CASP8: variants seen among roughly 807,000 people sequenced by gnomAD.
CASP8 encodes the protein caspase-8.
Under a neutral mutation model 46.3 loss-of-function variants are expected in CASP8, and 24 were observed. The observed-to-expected ratio is 0.52, with a 90% CI of 0.38 to 0.73. The LOEUF (loss-of-function observed/expected upper bound fraction) is 0.73, where lower values mean the gene tolerates loss of function less well. CASP8 is among the 30% of genes least tolerant of loss of function. CASP8 has a pLI of 0.00. For synonymous variants in CASP8, 188 were observed against 200.4 expected, an observed-to-expected ratio of 0.94 and a Z score of 0.52; for missense variants, 460 against 559.0, an observed-to-expected ratio of 0.82 and a Z score of 1.79.
At chr2:201,275,011 G>A (rs953248061) in intron 6 of CASP8, 58 bp downstream of exon 6, 5 of 1,155,312 alleles carry the variant, frequency 4.3e-6, no homozygotes, top group Non-Finnish European at 6.2e-6. Context: ...TATTTAATTT[G>A]TTAGCTTTTT....
intron 2 of CASP8, among the ~76,000 whole-genome samples, chr2:201,250,386 T>C (rs1251465115): frequency 2.6e-5 from 4 of 152,226 alleles, no homozygotes; most frequent in African/African-American, 7.2e-5. Context: ...GAGTTTTAAT[T>C]GGCTCATGGT....
At chr2:201,239,421 C>T (rs887123615) in intron 2 of CASP8, among the ~76,000 whole-genome samples, 2 of 152,174 alleles carry the variant, frequency 1.3e-5, no homozygotes, top group African/African-American at 2.4e-5. Context: ...CCCTCCCGGA[C>T]GGGGCGGCTT....
chr2:201,266,481 A>C lies in CASP8; in HGVS notation c.-6A>C. The C allele has an allele frequency of 6.2e-7, 1 of 1,613,086 alleles. No homozygotes were observed. Among genetic ancestry groups the C allele is most frequent in the Non-Finnish European group, 8.5e-7 (1 of 1,179,020 alleles). On this transcript the variant is annotated 5_prime_UTR_variant, in exon 2 of 9. Transcript: ENST00000673742. This position sits in a 1 kb window ranked among gnomAD's most constrained non-coding sequence, Gnocchi z 5.7. ...CTTAGATTATATTCTCCTGCCTTTT[A>C]AAAAGATGGACTTCAGCAGAAATCT...
chr2:201,250,684 C>T (rs1379666123), intron 2 of CASP8, among the ~76,000 whole-genome samples: 1 of 152,250 alleles, frequency 6.6e-6, no homozygotes, highest in Non-Finnish European at 1.5e-5. Flanking sequence ...GGAATTACAA[C>T]TGGACATGAG....
chr2:201,269,509 G>A (rs1295001414), intron 2 of CASP8: 1 of 1,611,518 alleles, frequency 6.2e-7, no homozygotes. Context: ...GTCCTTTGAA[G>A]GTTCCACTTC....
At chr2:201,246,977 A>T (rs185023936) in intron 2 of CASP8, among the ~76,000 whole-genome samples, 3 of 152,162 alleles carry the variant, frequency 2.0e-5, no homozygotes, top group African/African-American at 7.2e-5. Context: ...TGGGTGGATC[A>T]CGAGATCAGG....
At chr2:201,248,939 T>C (rs752300606) in intron 2 of CASP8, among the ~76,000 whole-genome samples, 25 of 152,232 alleles carry the variant, frequency 1.6e-4, no homozygotes, top group Non-Finnish European at 2.8e-4. Flanking sequence ...TTGCCCAGGC[T>C]GGAGTGCAGT....
rs753020610 is a variant in CASP8, at chr2:201,285,107, A to T, written c.1094A>T (p.Tyr365Phe). The T allele has an allele frequency of 6.2e-7, 1 of 1,614,146 alleles. No individual in the cohort carries two copies. The highest frequency in any genetic ancestry group is 8.5e-7 in the Non-Finnish European group (1 of 1,180,016). The change falls in exon 8 of 9, where the codon TAC (tyrosine) becomes TTC (phenylalanine). Residue 365 changes from tyrosine to phenylalanine, a missense_variant. Coordinates refer to ENST00000673742, the MANE Select transcript of CASP8 (RefSeq NM_001372051.1). ...ATTCAGGCTTGTCAGGGGGATAACTACCAGAAAGGTATACCTGTTGAGACT... is the reference window on the plus strand; with the variant it reads ...ATTCAGGCTTGTCAGGGGGATAACTTCCAGAAAGGTATACCTGTTGAGACT... ...FFIQACQGDN[Y>F]QKGIPVETDS...
At chr2:201,249,860 C>T (rs1559334741) in intron 2 of CASP8, among the ~76,000 whole-genome samples, 1 of 152,194 alleles carries the variant, frequency 6.6e-6, no homozygotes, top group African/African-American at 2.4e-5. Context: ...AGTGATGAAC[C>T]AATATTGATA....
At chr2:201,276,289 G>A (rs1014540900) in intron 6 of CASP8, among the ~76,000 whole-genome samples, 2 of 152,200 alleles carry the variant, frequency 1.3e-5, no homozygotes, top group African/African-American at 4.8e-5. Flanking sequence ...GTGGTCCTGA[G>A]AGCTGGGTTA....
intron 7 of CASP8, chr2:201,277,965 T>C (rs1948758689): frequency 5.0e-6 from 1 of 201,570 alleles, no homozygotes; most frequent in South Asian, 6.4e-5. Flanking sequence ...CCTCCCAAAG[T>C]GCTGGAATTA....
intron 6 of CASP8, 96 bp from the exon 7 acceptor site, chr2:201,276,731 A>G (rs1948655730): frequency 1.3e-5 from 19 of 1,515,418 alleles, no homozygotes; most frequent in Non-Finnish European, 1.7e-5. Flanking sequence ...GGGGTGGTGC[A>G]ATGGAAAGCA....
At chr2:201,254,633 C>T (rs375514643) in intron 2 of CASP8, among the ~76,000 whole-genome samples, 7 of 152,322 alleles carry the variant, frequency 4.6e-5, no homozygotes, top group Middle Eastern at 3.4e-3. Flanking sequence ...TGAAGGGTGT[C>T]ACATCAAGAT....
intron 2 of CASP8, among the ~76,000 whole-genome samples, chr2:201,235,452 G>A (rs1167872063): frequency 6.6e-6 from 1 of 152,046 alleles, no homozygotes; most frequent in African/African-American, 2.4e-5. Flanking sequence ...ATTTCCAGTT[G>A]TTTTTTATTC....
chr2:201,276,849 T>C lies in CASP8; in HGVS notation c.683T>C (p.Met228Thr). 2 of 1,614,018 alleles carry C rather than the reference T, an allele frequency of 1.2e-6. No individual in the cohort carries two copies. Among genetic ancestry groups the C allele is most frequent in the Non-Finnish European group, 1.7e-6 (2 of 1,179,948 alleles). The change falls in exon 7 of 9, where the codon ATG becomes ACG. Residue 228 changes from methionine to threonine, a missense_variant. Coordinates refer to ENST00000673742, the MANE Select transcript of CASP8 (RefSeq NM_001372051.1). The stretch of plus-strand genomic sequence containing the variant: ...CAGACTTTGGACAAAGTTTACCAAA[T>C]GAAAAGCAAACCTCGGGGATACTGT... ...ESQTLDKVYQ[M>T]KSKPRGYCLI...
In CASP8 at chr2:201,265,884, C is replaced by T. The variant is rs34405400; in HGVS notation, c.-26-577C>T. Among the ~76,000 whole-genome samples the T allele has an allele frequency of 5.7e-4, 87 of 152,276 alleles. 1 individual carries two copies. Among genetic ancestry groups the T allele is most frequent in the Admixed American group, 1.4e-3 (22 of 15,296 alleles). ...CCCAAAATCCCTTCCCCATAGGAAG[C>T]CCTTCTCCCAGGCTAAGTTAAGGTT... is the stretch of plus-strand genomic sequence containing the variant. On this transcript the variant is annotated intron_variant, in intron 1 of 8. Coordinates refer to ENST00000673742, the MANE Select transcript of CASP8 (RefSeq NM_001372051.1).
intron 2 of CASP8, among the ~76,000 whole-genome samples, chr2:201,249,174 T>G (rs1946663483): frequency 6.6e-6 from 1 of 152,198 alleles, no homozygotes; most frequent in Admixed American, 6.5e-5. Flanking sequence ...ATTATAGGTG[T>G]GAGCCACCAC....
chr2:201,237,438 T>TAAAA (rs774127508), intron 2 of CASP8, among the ~76,000 whole-genome samples: 972 of 46,030 alleles, frequency 0.021, 12 homozygotes, highest in African/African-American at 0.069. Flanking sequence ...ATCTTCAGAG[T>TAAAA]AAAAAAAAAA....
chr2:201,256,230 A>G (rs1947011605), upstream of CASP8, among the ~76,000 whole-genome samples: 3 of 152,246 alleles, frequency 2.0e-5, no homozygotes, highest in African/African-American at 7.2e-5. Flanking sequence ...ATGGCTATGC[A>G]TTAATGTTTA....
Sources: gnomAD v4.1 joint callset for allele counts (sites outside exome capture counted in the v4.1 genomes callset) on GRCh38, gnomAD v4.1.1 for gene constraint, Gnocchi (gnomAD v3.1) non-coding constraint, MANE v1.5 for transcripts, NCBI Gene and HGNC (gene_info 2026-07-23, HGNC 2026-07-21) for gene names.